Variants in THSD7B observed in about 807,000 individuals in gnomAD.
The protein encoded by THSD7B is thrombospondin type-1 domain-containing protein 7B.
A neutral mutation model predicts 213.6 loss-of-function variants in THSD7B; 138 were observed. The ratio of observed to expected loss-of-function variants is 0.65; its 90% CI spans 0.56 to 0.74. The LOEUF (loss-of-function observed/expected upper bound fraction) is 0.74, where lower values mean the gene tolerates loss of function less well. Among genes scored for constraint, THSD7B ranks in the 30% least tolerant of loss-of-function variants. THSD7B has a pLI of 0.00. For missense variants in THSD7B, 1,931 were observed against 1,991.5 expected (o/e 0.97, Z 0.58); for synonymous variants, 742 against 687.0 (o/e 1.08, Z -1.25).
At chr2:137,618,753 C>G (rs537178194) in intron 19 of THSD7B, among the ~76,000 whole-genome samples, 26 of 152,228 alleles carry the variant, frequency 1.7e-4, no homozygotes, top group Admixed American at 1.4e-3. Flanking sequence ...GTTTTTATTA[C>G]TTATAAAAAG....
chr2:137,294,130 G>C (rs569817680), intron 12 of THSD7B, among the ~76,000 whole-genome samples: 18 of 151,702 alleles, frequency 1.2e-4, no homozygotes, highest in African/African-American at 4.1e-4. Flanking sequence ...GTGCTAACTT[G>C]TAATCATTGG....
At chr2:136,922,091 C>T (rs1347791866) in intron 2 of THSD7B, among the ~76,000 whole-genome samples, 1 of 152,186 alleles carries the variant, frequency 6.6e-6, no homozygotes. Context: ...GTCCTCTTAG[C>T]TCTCTGCTAC....
chr2:137,348,415 G>A (rs2104917554), intron 12 of THSD7B, among the ~76,000 whole-genome samples: 1 of 151,774 alleles, frequency 6.6e-6, no homozygotes, highest in South Asian at 2.1e-4. Flanking sequence ...ATATGCCCTC[G>A]ATATGCAGTG....
intron 2 of THSD7B, among the ~76,000 whole-genome samples, chr2:137,009,466 A>G (rs756098973): frequency 6.6e-6 from 1 of 152,160 alleles, no homozygotes; most frequent in Non-Finnish European, 1.5e-5. Context: ...TTCATGTCAT[A>G]TTAGTCTGTT....
At chr2:136,930,508 A>G (rs1684609210) in intron 2 of THSD7B, among the ~76,000 whole-genome samples, 1 of 152,238 alleles carries the variant, frequency 6.6e-6, no homozygotes, top group East Asian at 1.9e-4. Flanking sequence ...ATACAAAACC[A>G]TGATTGGTTC....
intron 2 of THSD7B, among the ~76,000 whole-genome samples, chr2:137,034,986 G>T (rs1573779633): frequency 1.3e-5 from 2 of 152,092 alleles, no homozygotes; most frequent in African/African-American, 4.8e-5. Context: ...AATTGTATTT[G>T]TGGTTCTAGA....
intron 12 of THSD7B, among the ~76,000 whole-genome samples, chr2:137,310,114 G>C (rs960207891): frequency 4.5e-4 from 69 of 151,946 alleles, no homozygotes; most frequent in African/African-American, 1.6e-3. Context: ...CTAGTTTACA[G>C]TCCCACCAAC....
chr2:137,319,949 C>T (rs1451586596), intron 12 of THSD7B, among the ~76,000 whole-genome samples: 7 of 152,174 alleles, frequency 4.6e-5, no homozygotes, highest in Admixed American at 1.3e-4. Flanking sequence ...ATGGATGAGA[C>T]TCCTGGAGCT....
intron 13 of THSD7B, among the ~76,000 whole-genome samples, chr2:137,409,968 A>G (rs952596820): frequency 2.0e-5 from 3 of 152,206 alleles, no homozygotes; most frequent in Non-Finnish European, 2.9e-5. Flanking sequence ...ATAAGTAGAC[A>G]GAATCCAGGG....
At chr2:137,077,907 A>C (rs532231308) in intron 3 of THSD7B, among the ~76,000 whole-genome samples, 1 of 152,112 alleles carries the variant, frequency 6.6e-6, no homozygotes, top group African/African-American at 2.4e-5. Context: ...GTCCATGCCT[A>C]TGTCCTGAAT....
intron 12 of THSD7B, among the ~76,000 whole-genome samples, chr2:137,343,594 C>G (rs996039373): frequency 6.6e-6 from 1 of 151,636 alleles, no homozygotes; most frequent in African/African-American, 2.4e-5. Context: ...TGTGCCAATG[C>G]AGGATGTTTA....
intron 10 of THSD7B, among the ~76,000 whole-genome samples, chr2:137,272,137 GC>G (rs1369339607): frequency 1.3e-5 from 2 of 152,004 alleles, no homozygotes; most frequent in Non-Finnish European, 2.9e-5. Flanking sequence ...ATAAAAAATA[GC>G]CTGGATGGAG....
At chr2:137,154,738 C>T (rs1413075794) in intron 5 of THSD7B, among the ~76,000 whole-genome samples, 1 of 152,124 alleles carries the variant, frequency 6.6e-6, no homozygotes, top group Admixed American at 6.5e-5. Context: ...TACTAATAAT[C>T]ACAACAGGCA....
chr2:137,368,582 G>A (rs1685472336), intron 12 of THSD7B, among the ~76,000 whole-genome samples: 1 of 151,634 alleles, frequency 6.6e-6, no homozygotes, highest in African/African-American at 2.4e-5. Context: ...CCAGTATCTG[G>A]GTAATTTTAG....
At chr2:137,572,620 G>A in intron 17 of THSD7B, 64 bp downstream of exon 17, 2 of 1,566,866 alleles carry the variant, frequency 1.3e-6, no homozygotes, top group South Asian at 2.3e-5. Context: ...TGTTCGTTGT[G>A]CATTCACAGT....
At position 137,281,270 on chromosome 2, in the gene THSD7B, CT is replaced by C. The variant is rs542906047; in HGVS notation, c.2500+5247del. Among the ~76,000 whole-genome samples the C allele has an allele frequency of 6.0e-3, 919 of 152,054 alleles. 8 individuals carry two copies. The highest frequency in any genetic ancestry group is 8.9e-3 in the Non-Finnish European group (602 of 67,988). ...GTTTTTCTTTGCATTCAAGGAACCC[CT>C]TTAAAGTAAAGATGTTTTTCTGGGA... On this transcript the variant is annotated intron_variant, in intron 12 of 27. Transcript: ENST00000409968.
chr2:137,098,602 A>C (rs1553470656), intron 4 of THSD7B, among the ~76,000 whole-genome samples: 7 of 152,198 alleles, frequency 4.6e-5, no homozygotes, highest in Non-Finnish European at 1.0e-4. Context: ...AGGAGGTAGG[A>C]AAATCAAAGA....
intron 1 of THSD7B, among the ~76,000 whole-genome samples, chr2:136,818,596 G>C (rs1163005980): frequency 6.6e-6 from 1 of 152,124 alleles, no homozygotes; most frequent in Admixed American, 6.5e-5. Context: ...AAAGAGTGCT[G>C]AATTATGTTC....
At chr2:137,017,149 C>A (rs1460197878) in intron 2 of THSD7B, among the ~76,000 whole-genome samples, 4 of 151,960 alleles carry the variant, frequency 2.6e-5, no homozygotes, top group African/African-American at 9.7e-5. Flanking sequence ...ATTTTTAGAG[C>A]TTCTTGCATT....
Sources: allele counts gnomAD v4.1 joint callset (sites outside exome capture counted in the v4.1 genomes callset), GRCh38; gene constraint gnomAD v4.1.1; transcripts MANE v1.5; gene names NCBI Gene and HGNC (gene_info 2026-07-23, HGNC 2026-07-21).